Variants in IL1RAPL2 observed in about 807,000 individuals in gnomAD.
The protein encoded by IL1RAPL2 is interleukin 1 receptor accessory protein like 2.
IL1RAPL2 carries 3 observed loss-of-function variants against 44.1 expected under a neutral mutation model. The ratio of observed to expected loss-of-function variants is 0.07; its 90% CI spans 0.03 to 0.18. The LOEUF (loss-of-function observed/expected upper bound fraction) is 0.18, where lower values mean the gene tolerates loss of function less well. Among genes scored for constraint, IL1RAPL2 ranks in the 10% least tolerant of loss-of-function variants. IL1RAPL2 has a pLI of 1.00. For missense variants in IL1RAPL2, 391 were observed against 496.4 expected, an observed-to-expected ratio of 0.79 and a Z score of 2.02; for synonymous variants, 181 against 178.8, an observed-to-expected ratio of 1.01 and a Z score of -0.10.
chrX:105,168,414 G>GGGGTGT (rs1556121332), intron 2 of IL1RAPL2, among the ~76,000 whole-genome samples: 9 of 89,356 alleles, frequency 1.0e-4, no homozygotes, highest in African/African-American at 4.2e-4. Context: ...AACCATAGGA[G>GGGGTGT]GTGTGTGTGT....
At chrX:104,668,494 A>G (rs955600955) in intron 2 of IL1RAPL2, among the ~76,000 whole-genome samples, 4 of 74,735 alleles carry the variant, frequency 5.4e-5, no homozygotes, top group Non-Finnish European at 7.3e-5. Flanking sequence ...ACCGCACAAC[A>G]GTCCCCAGAG....
At chrX:105,546,897 G>A (rs1413765671) in intron 6 of IL1RAPL2, among the ~76,000 whole-genome samples, 1 of 111,987 alleles carries the variant, frequency 8.9e-6, no homozygotes, top group South Asian at 3.7e-4. Flanking sequence ...GAAGTTGAAC[G>A]TATGGTCCTA....
At chrX:105,155,173 TC>T (rs1306235104) in intron 2 of IL1RAPL2, among the ~76,000 whole-genome samples, 1 of 111,201 alleles carries the variant, frequency 9.0e-6, no homozygotes, top group Admixed American at 9.7e-5. Context: ...CTAGTGTCTT[TC>T]CCCATTTCAT....
chrX:105,162,916 C>G (rs1246040968), intron 2 of IL1RAPL2, among the ~76,000 whole-genome samples: 1 of 111,172 alleles, frequency 9.0e-6, no homozygotes, highest in Non-Finnish European at 1.9e-5. Context: ...CCTCAAAGGC[C>G]GCACCTCGTA....
At chrX:104,832,434 C>T (rs1348583339) in intron 2 of IL1RAPL2, among the ~76,000 whole-genome samples, 2 of 110,579 alleles carry the variant, frequency 1.8e-5, no homozygotes, top group Non-Finnish European at 3.8e-5. Context: ...TCCTTACAAA[C>T]TTGAGGCTCT....
chrX:105,311,641 C>T (rs867070727), intron 5 of IL1RAPL2, among the ~76,000 whole-genome samples: 6 of 101,520 alleles, frequency 5.9e-5, no homozygotes, highest in Admixed American at 1.1e-4. Context: ...CACACACACA[C>T]ATATATATAT....
rs144812774 is a variant in IL1RAPL2, at chrX:105,544,736, T to A, written c.772+60349T>A. On this transcript the variant is annotated intron_variant, in intron 6 of 10. Coordinates refer to ENST00000372582, the MANE Select transcript of IL1RAPL2 (RefSeq NM_017416.2). The stretch of plus-strand genomic sequence containing the variant: ...ATTTGGTTGGATTAACATTTCTTAT[T>A]TTACTGTTTTTTTATATGTCTCCTT... Among the ~76,000 whole-genome samples, 629 of 111,991 alleles carry A rather than the reference T, an allele frequency of 5.6e-3. 4 individuals are homozygous for A. The highest frequency in any genetic ancestry group is 0.019 in the African/African-American group (578 of 30,877).
chrX:105,215,662 G>GA (rs1164159455), intron 3 of IL1RAPL2, among the ~76,000 whole-genome samples: 9 of 111,425 alleles, frequency 8.1e-5, no homozygotes, highest in African/African-American at 2.9e-4. Flanking sequence ...AACAAAAAGA[G>GA]AAAATTTCAG....
rs990634043 is a variant in IL1RAPL2, at chrX:105,373,005, A to G, written c.697+105464A>G. Among the ~76,000 whole-genome samples the G allele has an allele frequency of 2.7e-5, 3 of 112,662 alleles. No individual in the cohort carries two copies. The East Asian group carries it at 8.4e-4, about 32-fold the overall frequency. ...TGTTTGCATGTGTCTTTATGATAGA[A>G]CAATTTATATTCCTTTGGGTATATA... On this transcript the variant is annotated intron_variant, in intron 5 of 10. Transcript: ENST00000372582.
At chrX:104,638,308 A>G (rs902733525) in intron 1 of IL1RAPL2, among the ~76,000 whole-genome samples, 2 of 110,948 alleles carry the variant, frequency 1.8e-5, no homozygotes, top group African/African-American at 6.6e-5. Flanking sequence ...AAAAAAGCCA[A>G]CTTTTCATTC....
intron 2 of IL1RAPL2, among the ~76,000 whole-genome samples, chrX:104,870,678 T>A (rs1202068248): frequency 2.7e-5 from 3 of 111,992 alleles, no homozygotes; most frequent in Non-Finnish European, 5.7e-5. Context: ...TACACTATTA[T>A]GGAAAATTGT....
chrX:105,248,336 A>T (rs1013473187), intron 4 of IL1RAPL2, among the ~76,000 whole-genome samples: 5 of 111,733 alleles, frequency 4.5e-5, no homozygotes, highest in African/African-American at 1.6e-4. Flanking sequence ...ATGATTGCAT[A>T]CCTAGAAAAC....
At chrX:104,569,867 G>A in intron 1 of IL1RAPL2, among the ~76,000 whole-genome samples, 1 of 112,413 alleles carries the variant, frequency 8.9e-6, no homozygotes, top group South Asian at 3.7e-4. Context: ...GATGTGATGT[G>A]AGGCCCTGAG....
chrX:105,150,169 A>C (rs887055725), intron 2 of IL1RAPL2, among the ~76,000 whole-genome samples: 1 of 111,678 alleles, frequency 9.0e-6, no homozygotes, highest in African/African-American at 3.3e-5. Context: ...ATGAAGAACT[A>C]GAGCATGCAA....
intron 5 of IL1RAPL2, among the ~76,000 whole-genome samples, chrX:105,471,463 C>G (rs1384157329): frequency 3.6e-5 from 4 of 111,838 alleles, no homozygotes; most frequent in South Asian, 7.4e-4. Flanking sequence ...TGAGATCAGC[C>G]TGATGCTAAT....
At chrX:104,582,578 TTTTCTTTCTTTCTTTCTTTTTCTTTC>T (rs1429867652) in intron 1 of IL1RAPL2, among the ~76,000 whole-genome samples, 1 of 59,842 alleles carries the variant, frequency 1.7e-5, no homozygotes, top group African/African-American at 5.7e-5. Context: ...CTTTCTTTCT[TTTTCTTTCTTTCTTTCTTTTTCTTTC>T]TTTCTTTCTT....
chrX:104,719,063 C>A (rs1007264397), intron 2 of IL1RAPL2, among the ~76,000 whole-genome samples: 1 of 112,095 alleles, frequency 8.9e-6, no homozygotes, highest in Non-Finnish European at 1.9e-5. Flanking sequence ...TACCTGTTTA[C>A]CAAAAGGTGA....
chrX:105,041,210 A>G (rs1361401592), intron 2 of IL1RAPL2, among the ~76,000 whole-genome samples: 25 of 110,858 alleles, frequency 2.3e-4, no homozygotes, highest in African/African-American at 4.6e-4. Flanking sequence ...TCTTAATCCT[A>G]AGTTCTAGTT....
chrX:105,200,888 G>A (rs1251265910), intron 3 of IL1RAPL2, among the ~76,000 whole-genome samples: 1 of 110,525 alleles, frequency 9.0e-6, no homozygotes, highest in Non-Finnish European at 1.9e-5. Flanking sequence ...TCCAGTCTGG[G>A]TGACAGAGTG....
Sources: gnomAD v4.1 joint callset for allele counts (sites outside exome capture counted in the v4.1 genomes callset) on GRCh38, gnomAD v4.1.1 for gene constraint, MANE v1.5 for transcripts, NCBI Gene and HGNC (gene_info 2026-07-23, HGNC 2026-07-21) for gene names.